Variants in OPCML observed in about 807,000 individuals in gnomAD.
The protein encoded by OPCML is opioid-binding protein/cell adhesion molecule.
In OPCML, 13 loss-of-function variants were observed where a neutral mutation model predicts 37.8. The observed-to-expected ratio is 0.34, with a 90% CI of 0.22 to 0.55. OPCML has a LOEUF of 0.55. Ranked by LOEUF, OPCML falls within the 20% of genes least tolerant of loss-of-function variation. OPCML has a pLI of 0.91. For missense variants in OPCML, 341 were observed against 435.6 expected (o/e 0.78, Z 1.93); for synonymous variants, 176 against 168.8 (o/e 1.04, Z -0.33).
At chr11:133,422,991 C>T (rs766591008) in intron 1 of OPCML, 4 of 985,234 alleles carry the variant, frequency 4.1e-6, no homozygotes, top group African/African-American at 3.5e-5. Context: ...GTACAAAGTG[C>T]CTTACTTCCT....
At chr11:132,847,004 C>A (rs1403010267) in intron 2 of OPCML, among the ~76,000 whole-genome samples, 2 of 152,142 alleles carry the variant, frequency 1.3e-5, no homozygotes, top group Non-Finnish European at 2.9e-5. Context: ...TAAAGATGTT[C>A]CCCCCAATGC....
At chr11:133,147,543 G>T (rs1345941092) in intron 1 of OPCML, among the ~76,000 whole-genome samples, 2 of 152,104 alleles carry the variant, frequency 1.3e-5, no homozygotes, top group African/African-American at 2.4e-5. Context: ...AGCATGTGTG[G>T]GTTTATAAAA....
At chr11:132,871,476 A>G (rs1788831422) in intron 2 of OPCML, among the ~76,000 whole-genome samples, 1 of 152,208 alleles carries the variant, frequency 6.6e-6, no homozygotes, top group South Asian at 2.1e-4. Context: ...TAATGTTTAC[A>G]TTGTATTAGG....
chr11:133,448,128 G>A (rs1423641593), intron 1 of OPCML, among the ~76,000 whole-genome samples: 1 of 152,128 alleles, frequency 6.6e-6, no homozygotes, highest in Non-Finnish European at 1.5e-5. Flanking sequence ...AGATCACAAA[G>A]ATTTTCTTTT....
At chr11:133,481,092 T>C (rs1458993525) in intron 1 of OPCML, among the ~76,000 whole-genome samples, 1 of 152,210 alleles carries the variant, frequency 6.6e-6, no homozygotes, top group South Asian at 2.1e-4. Flanking sequence ...AGCTCACCAA[T>C]GCTAAATAAT....
chr11:132,818,552 C>T (rs1939766323), intron 2 of OPCML, among the ~76,000 whole-genome samples: 1 of 150,882 alleles, frequency 6.6e-6, no homozygotes, highest in South Asian at 2.1e-4. Context: ...GTCTTGCTCG[C>T]CGTGTGAGCC....
At chr11:133,528,270 A>G (rs897034634) in intron 1 of OPCML, among the ~76,000 whole-genome samples, 2 of 152,236 alleles carry the variant, frequency 1.3e-5, no homozygotes, top group Non-Finnish European at 2.9e-5. Context: ...CTGAATGCAG[A>G]TGACGCAGTC....
At chr11:132,665,576 G>T (rs1018991928) in intron 2 of OPCML, among the ~76,000 whole-genome samples, 1 of 152,194 alleles carries the variant, frequency 6.6e-6, no homozygotes, top group Non-Finnish European at 1.5e-5. Flanking sequence ...TGTGGGAGGA[G>T]AGAGGAGGAG....
rs980529378 is a variant in OPCML, at chr11:132,717,282, AT to A, written c.147-59964del. Among the ~76,000 whole-genome samples, 202 of 151,784 alleles carry A rather than the reference AT, an allele frequency of 1.3e-3. 1 individual carries two copies. Among genetic ancestry groups the A allele is most frequent in the African/African-American group, 4.4e-3 (182 of 41,440 alleles). ...ATTAATGCTCAGAGATAATACCAGAATTTTTTTTTAATAATGGAAGAACAAA... is the reference window on the plus strand; with the variant it reads ...ATTAATGCTCAGAGATAATACCAGAATTTTTTTTAATAATGGAAGAACAAA... On this transcript the variant is annotated intron_variant, in intron 2 of 7. Transcript: ENST00000524381.
chr11:133,142,611 T>C (rs1435874449), intron 1 of OPCML, among the ~76,000 whole-genome samples: 1 of 152,190 alleles, frequency 6.6e-6, no homozygotes, highest in Non-Finnish European at 1.5e-5. Context: ...ACATGGGTAG[T>C]CCTGGCAGTA....
intron 2 of OPCML, among the ~76,000 whole-genome samples, chr11:132,795,101 C>T (rs761734652): frequency 4.6e-5 from 7 of 150,740 alleles, no homozygotes; most frequent in Non-Finnish European, 7.4e-5. Flanking sequence ...TATACGTATA[C>T]ACACACACAC....
chr11:133,083,641 C>T (rs568828673), intron 1 of OPCML, among the ~76,000 whole-genome samples: 11 of 152,350 alleles, frequency 7.2e-5, no homozygotes, highest in African/African-American at 2.6e-4. Context: ...TCCATTCATA[C>T]TGGAACAGTT....
Position 133,133,951 on chromosome 11 carries a change from C to T in OPCML, c.62-190941G>A, listed in dbSNP as rs138749040. 1.5e-4 allele frequency among the ~76,000 whole-genome samples: 23 copies of T among 152,234 alleles called. No individual in the cohort carries two copies. The East Asian group carries it at 3.9e-3, about 26-fold the overall frequency. On this transcript the variant is annotated intron_variant, in intron 1 of 7. Transcript: ENST00000524381. ...TCAACATGAAACATCCAATATCACA[C>T]GGGACAAAGCACCTTACTAACCATT...
chr11:133,162,356 C>T (rs1077373), intron 1 of OPCML, among the ~76,000 whole-genome samples: 48,346 of 152,066 alleles, frequency 0.32, 7,954 homozygotes, highest in African/African-American at 0.39. Flanking sequence ...CTCCACGTGC[C>T]CCAGAATTTT....
chr11:133,082,608 T>TTCCCCTCCTCA (rs1565438090), intron 1 of OPCML, among the ~76,000 whole-genome samples: 1 of 26,860 alleles, frequency 3.7e-5, no homozygotes. Flanking sequence ...CCCATCCCCC[T>TTCCCCTCCTCA]TTCCCCTCTT....
chr11:133,146,877 C>T (rs1949905384), intron 1 of OPCML, among the ~76,000 whole-genome samples: 1 of 152,216 alleles, frequency 6.6e-6, no homozygotes, highest in Non-Finnish European at 1.5e-5. Context: ...AAAAAACACA[C>T]ACAGTTGAGA....
intron 3 of OPCML, among the ~76,000 whole-genome samples, chr11:132,571,539 T>G (rs1386142824): frequency 6.6e-6 from 1 of 152,182 alleles, no homozygotes; most frequent in Non-Finnish European, 1.5e-5. Flanking sequence ...TCTTTCTGTG[T>G]CTAGCTTATT....
intron 2 of OPCML, among the ~76,000 whole-genome samples, chr11:132,764,929 G>T (rs1204262467): frequency 6.6e-6 from 1 of 152,212 alleles, no homozygotes; most frequent in Non-Finnish European, 1.5e-5. Flanking sequence ...GTGCACAGCC[G>T]GCATAGCTCA....
At chr11:133,119,232 T>C (rs1949383912) in intron 1 of OPCML, among the ~76,000 whole-genome samples, 1 of 151,572 alleles carries the variant, frequency 6.6e-6, no homozygotes, top group Non-Finnish European at 1.5e-5. Flanking sequence ...CAGGCACAGC[T>C]CCTCCTCAGA....
Sources: gnomAD v4.1 joint callset for allele counts (sites outside exome capture counted in the v4.1 genomes callset) on GRCh38, gnomAD v4.1.1 for gene constraint, MANE v1.5 for transcripts, NCBI Gene and HGNC (gene_info 2026-07-23, HGNC 2026-07-21) for gene names.